Variants in TOR1AIP1 observed in about 807,000 individuals in gnomAD.
TOR1AIP1 encodes torsin-1A-interacting protein 1.
Under a neutral mutation model 63.3 loss-of-function variants are expected in TOR1AIP1, and 54 were observed. The ratio of observed to expected loss-of-function variants is 0.85; its 90% CI spans 0.69 to 1.07. The LOEUF (loss-of-function observed/expected upper bound fraction) is 1.07. Among genes scored for constraint, TOR1AIP1 ranks in the 50% least tolerant of loss-of-function variants. The probability of loss-of-function intolerance (pLI) is 0.00; values close to 1 mark genes in which losing one functional copy is unlikely to be tolerated. For missense variants in TOR1AIP1, 736 were observed against 715.0 expected, an observed-to-expected ratio of 1.03 and a Z score of -0.33; for synonymous variants, 294 against 273.5, an observed-to-expected ratio of 1.07 and a Z score of -0.74.
At chr1:179,905,559 G>T (rs987417770) in intron 6 of TOR1AIP1, among the ~76,000 whole-genome samples, 1 of 151,934 alleles carries the variant, frequency 6.6e-6, no homozygotes, top group African/African-American at 2.4e-5. Flanking sequence ...ATTACTCTTC[G>T]AATTATTTTA....
chr1:179,917,376 T>G (rs543222749), intron 9 of TOR1AIP1, 76 bp from the exon 10 acceptor site: 1 of 1,251,518 alleles, frequency 8.0e-7, no homozygotes, highest in Non-Finnish European at 1.1e-6. Flanking sequence ...AAGACTGATA[T>G]TGATTTTAAA....
chr1:179,884,992 T>C (rs1018190480), intron 2 of TOR1AIP1, among the ~76,000 whole-genome samples: 6 of 152,202 alleles, frequency 3.9e-5, no homozygotes, highest in Non-Finnish European at 8.8e-5. Context: ...AGATCACATA[T>C]GTGACTGAGC....
At chr1:179,910,701 C>G (rs1648807344) in intron 8 of TOR1AIP1, among the ~76,000 whole-genome samples, 1 of 152,134 alleles carries the variant, frequency 6.6e-6, no homozygotes, top group African/African-American at 2.4e-5. Context: ...CCAAGAGATA[C>G]TCTTGGATGT....
intron 1 of TOR1AIP1, 41 bp downstream of exon 1, chr1:179,883,018 G>A (rs764408471): frequency 1.3e-6 from 2 of 1,569,756 alleles, no homozygotes; most frequent in Non-Finnish European, 8.7e-7. Context: ...GCGAGCCAGG[G>A]AACGCGCGGG....
intron 9 of TOR1AIP1, among the ~76,000 whole-genome samples, chr1:179,915,272 A>C (rs936751762): frequency 6.6e-6 from 1 of 152,220 alleles, no homozygotes; most frequent in Non-Finnish European, 1.5e-5. Flanking sequence ...AAACCATCTT[A>C]CTGAGCTTTT....
intron 3 of TOR1AIP1, among the ~76,000 whole-genome samples, chr1:179,894,230 G>A (rs1648194066): frequency 1.4e-5 from 2 of 145,860 alleles, no homozygotes; most frequent in African/African-American, 2.5e-5. Context: ...CAGCCTGGGC[G>A]ACAGAGCGAG....
Position 179,918,135 on chromosome 1 carries a change from A to G in TOR1AIP1, c.1648A>G (p.Asn550Asp). 6.2e-7 allele frequency: 1 copy of G among 1,613,856 alleles called. No homozygotes were observed. Among genetic ancestry groups the G allele is most frequent in the Non-Finnish European group, 8.5e-7 (1 of 1,180,042 alleles). ...CAATTCTAACACACCCAACTCCTAC[A>G]ATCATATGGACCCAGACAAACTGAA... ...FTNSNTPNSYNHMDPDKLNGL... is the reference protein window; with the variant it reads ...FTNSNTPNSYDHMDPDKLNGL... Residue 550 changes from asparagine (N) to aspartate (D), a missense_variant, in exon 10 of 10, where the codon AAT (asparagine) becomes GAT (aspartate). Physicochemically the swap from Asn to Asp is conservative, Grantham distance 23. Transcript: ENST00000606911.
At chr1:179,908,530 ATT>A in intron 7 of TOR1AIP1, 73 bp from the exon 8 acceptor site, 1 of 1,226,744 alleles carries the variant, frequency 8.2e-7, no homozygotes, top group Non-Finnish European at 1.2e-6. Context: ...TGATAGATTA[ATT>A]TTATAACACT....
chr1:179,916,546 C>CTAT (rs1406570325), intron 9 of TOR1AIP1, among the ~76,000 whole-genome samples: 1 of 151,858 alleles, frequency 6.6e-6, no homozygotes, highest in African/African-American at 2.4e-5. Flanking sequence ...TAAATTAATC[C>CTAT]TATTATTATT....
Position 179,918,240 on chromosome 1 carries a change from G to C in TOR1AIP1, c.*1G>C, listed in dbSNP as rs201398151. The C allele has an allele frequency of 1.1e-5, 18 of 1,570,328 alleles. No homozygotes were observed. The highest frequency in any genetic ancestry group is 5.9e-5 in the Admixed American group (3 of 50,850). On this transcript the variant is annotated 3_prime_UTR_variant, in exon 10 of 10. Coordinates refer to ENST00000606911, the MANE Select transcript of TOR1AIP1 (RefSeq NM_015602.4). Reference sequence around the variant, plus strand: ...CCTGAAAAGGGGCATCTGCTTATAAGAAGTGAGAGAGAAGAAAAATCATGT... The same window carrying C: ...CCTGAAAAGGGGCATCTGCTTATAACAAGTGAGAGAGAAGAAAAATCATGT...
Position 179,918,359 on chromosome 1 carries a change from CT to C in TOR1AIP1, c.*122del. ...AGTTTCTTTTTAAAGAAGTTAAGTGCTTACATAAACATGGAACATATAAATC... is the reference window on the plus strand; with the variant it reads ...AGTTTCTTTTTAAAGAAGTTAAGTGCTACATAAACATGGAACATATAAATC... On this transcript the variant is annotated 3_prime_UTR_variant, in exon 10 of 10. Coordinates refer to ENST00000606911, the MANE Select transcript of TOR1AIP1 (RefSeq NM_015602.4). The C allele has an allele frequency of 1.1e-6, 1 of 875,146 alleles. No individual in the cohort carries two copies. Among genetic ancestry groups the C allele is most frequent in the Non-Finnish European group, 1.7e-6 (1 of 588,620 alleles). The allele number at this position is 875,146 out of a possible 1,614,324, so 54.2% of individuals were successfully genotyped here.
chr1:179,917,554 G>A lies in TOR1AIP1; in HGVS notation c.1067G>A (p.Ser356Asn), dbSNP rs752818462. The stretch of plus-strand genomic sequence containing the variant: ...GCCTCTGGGAGTTTTTGGTTCTTTA[G>A]TACTCCTGAGGTAGAAACCACTGCT... ...ALASGSFWFF[S>N]TPEVETTAVQ... The change falls in exon 10 of 10, where the codon AGT becomes AAT. Residue 356 changes from serine (S) to asparagine (N), a missense_variant. By Grantham distance (46) the Ser-to-Asn change is conservative. This residue lies in a region of TOR1AIP1 where 272 missense variants were observed against 344.1 expected (regional missense o/e 0.79). Coordinates refer to ENST00000606911, the MANE Select transcript of TOR1AIP1 (RefSeq NM_015602.4). 4 of 1,614,068 alleles carry A rather than the reference G, an allele frequency of 2.5e-6. No individual in the cohort carries two copies. Among genetic ancestry groups the A allele is most frequent in the Non-Finnish European group, 2.5e-6 (3 of 1,180,020 alleles).
Position 179,909,654 on chromosome 1 carries a change from T to G in TOR1AIP1, c.907+981T>G, listed in dbSNP as rs564939430. On this transcript the variant is annotated intron_variant, in intron 8 of 9. Coordinates refer to ENST00000606911, the MANE Select transcript of TOR1AIP1 (RefSeq NM_015602.4). Reference sequence around the variant, plus strand: ...GGTTTCACCATATTGGTCAGGCTGGTCTTGAACTCCTGACCTCATGATCTG... The same window carrying G: ...GGTTTCACCATATTGGTCAGGCTGGGCTTGAACTCCTGACCTCATGATCTG... Among the ~76,000 whole-genome samples, 3 of 152,312 alleles carry G rather than the reference T, an allele frequency of 2.0e-5. No homozygotes were observed. In the East Asian group the frequency reaches 5.8e-4, roughly 29 times the overall value.
intron 8 of TOR1AIP1, among the ~76,000 whole-genome samples, chr1:179,912,002 CTTTTTTTTCT>C (rs1553244262): frequency 7.8e-6 from 1 of 127,988 alleles, no homozygotes; most frequent in Admixed American, 8.2e-5. Context: ...TTTCTTTTTT[CTTTTTTTTCT>C]TTTTTTTTTC....
At chr1:179,890,174 C>A (rs1299134402) in intron 3 of TOR1AIP1, among the ~76,000 whole-genome samples, 1 of 152,168 alleles carries the variant, frequency 6.6e-6, no homozygotes, top group African/African-American at 2.4e-5. Flanking sequence ...ATGTCCCTCC[C>A]TCAGTTATCT....
chr1:179,897,667 A>G (rs897747132), intron 3 of TOR1AIP1, among the ~76,000 whole-genome samples: 1 of 152,230 alleles, frequency 6.6e-6, no homozygotes, highest in African/African-American at 2.4e-5. Context: ...TTTTTAGAGT[A>G]ACTATGTAAA....
chr1:179,884,554 T>A, intron 1 of TOR1AIP1, 138 bp from the exon 2 acceptor site: 1 of 632,810 alleles, frequency 1.6e-6, no homozygotes, highest in South Asian at 2.2e-5. Context: ...TAAGTTTTGG[T>A]AAACCTAACC....
chr1:179,916,080 A>G (rs1358716454), intron 9 of TOR1AIP1, among the ~76,000 whole-genome samples: 1 of 152,222 alleles, frequency 6.6e-6, no homozygotes, highest in African/African-American at 2.4e-5. Flanking sequence ...TTCAGATTTA[A>G]TAAGATAAAT....
At chr1:179,893,224 CAG>C (rs955771553) in intron 3 of TOR1AIP1, among the ~76,000 whole-genome samples, 1 of 151,444 alleles carries the variant, frequency 6.6e-6, no homozygotes, top group Non-Finnish European at 1.5e-5. Flanking sequence ...GCCTGGGCGA[CAG>C]AGCGAGATTT....
Sources: gnomAD v4.1 joint callset for allele counts (sites outside exome capture counted in the v4.1 genomes callset) on GRCh38, gnomAD v4.1.1 for gene constraint, gnomAD v4.1.1 regional missense constraint, MANE v1.5 for transcripts, NCBI Gene and HGNC (gene_info 2026-07-23, HGNC 2026-07-21) for gene names.